Variants in NUBPL observed in about 807,000 individuals in gnomAD.
NUBPL encodes NUBP iron-sulfur cluster assembly factor, mitochondrial.
In NUBPL, 31 loss-of-function variants were observed where a neutral mutation model predicts 45.7. The observed-to-expected ratio is 0.68, with a 90% confidence interval of 0.51 to 0.92. NUBPL has a LOEUF of 0.92. Ranked by LOEUF, NUBPL falls within the 40% of genes least tolerant of loss-of-function variation. The probability of loss-of-function intolerance (pLI) is 0.00; values close to 1 mark genes in which losing one functional copy is unlikely to be tolerated. For missense variants in NUBPL, 401 were observed against 398.7 expected (o/e 1.01, Z -0.05); for synonymous variants, 144 against 140.9 (o/e 1.02, Z -0.15).
intron 3 of NUBPL, among the ~76,000 whole-genome samples, chr14:31,595,042 T>C (rs940366169): frequency 1.3e-5 from 2 of 152,210 alleles, no homozygotes; most frequent in African/African-American, 2.4e-5. Context: ...TACAATCTTA[T>C]TTAGTATAAA....
intron 8 of NUBPL, among the ~76,000 whole-genome samples, chr14:31,827,818 AT>A (rs1252992033): frequency 1.3e-5 from 2 of 152,234 alleles, no homozygotes; most frequent in South Asian, 4.1e-4. Context: ...AGATCCAGTA[AT>A]GTATTTGAAT....
At chr14:31,755,591 G>T (rs1173064746) in intron 6 of NUBPL, among the ~76,000 whole-genome samples, 4 of 152,020 alleles carry the variant, frequency 2.6e-5, no homozygotes, top group Non-Finnish European at 4.4e-5. Flanking sequence ...GTAGATTCTG[G>T]ATATTAGCCC....
At chr14:31,846,331 A>G in intron 8 of NUBPL, 140 bp from the exon 9 acceptor site, 2 of 715,454 alleles carry the variant, frequency 2.8e-6, no homozygotes, top group East Asian at 2.7e-5. Context: ...CCTTCAGAGC[A>G]GAGGCCATAG....
intron 4 of NUBPL, among the ~76,000 whole-genome samples, chr14:31,637,026 C>T (rs955905109): frequency 2.0e-5 from 3 of 151,934 alleles, no homozygotes; most frequent in Non-Finnish European, 2.9e-5. Flanking sequence ...TTTTGTTGAT[C>T]CTTTCAGAAA....
chr14:31,758,918 AC>A (rs1261273283), intron 6 of NUBPL, among the ~76,000 whole-genome samples: 1 of 152,296 alleles, frequency 6.6e-6, no homozygotes, highest in African/African-American at 2.4e-5. Context: ...GTTAAAGAAG[AC>A]AAGCTTTTCC....
chr14:31,670,421 T>C (rs191717972), intron 4 of NUBPL, among the ~76,000 whole-genome samples: 5 of 152,312 alleles, frequency 3.3e-5, no homozygotes, highest in East Asian at 1.9e-4. Flanking sequence ...ATTTTATAGG[T>C]TGTCTGTTTA....
At chr14:31,698,753 C>T (rs754336291) in intron 6 of NUBPL, among the ~76,000 whole-genome samples, 5 of 151,878 alleles carry the variant, frequency 3.3e-5, no homozygotes, top group Non-Finnish European at 7.4e-5. Context: ...TACTATTTGC[C>T]TTCATAGGCA....
intron 7 of NUBPL, among the ~76,000 whole-genome samples, chr14:31,801,979 G>C (rs1010836631): frequency 6.6e-6 from 1 of 152,186 alleles, no homozygotes; most frequent in Admixed American, 6.5e-5. Context: ...TAACAGTTTG[G>C]TGTGATACCA....
intron 4 of NUBPL, among the ~76,000 whole-genome samples, chr14:31,599,736 A>G (rs2034377091): frequency 6.6e-6 from 1 of 152,140 alleles, no homozygotes; most frequent in Non-Finnish European, 1.5e-5. Context: ...TGAATCAGTG[A>G]GTGAAAGCAG....
chr14:31,852,454 C>T (rs1427405308), intron 10 of NUBPL, among the ~76,000 whole-genome samples: 8 of 152,044 alleles, frequency 5.3e-5, no homozygotes, highest in Non-Finnish European at 1.0e-4. Flanking sequence ...GGGCAGATCA[C>T]GAGGTCAGGA....
intron 7 of NUBPL, among the ~76,000 whole-genome samples, chr14:31,799,619 G>A (rs1303253103): frequency 1.3e-5 from 2 of 152,196 alleles, no homozygotes; most frequent in African/African-American, 4.8e-5. Context: ...ACACTATACA[G>A]TAGTCTGTGA....
chr14:31,731,671 T>C (rs2038050623), intron 6 of NUBPL, among the ~76,000 whole-genome samples: 1 of 152,240 alleles, frequency 6.6e-6, no homozygotes, highest in Non-Finnish European at 1.5e-5. Context: ...CAGCTGAGGC[T>C]GAATTCCTGG....
In NUBPL at chr14:31,846,451, T is replaced by A. The variant is rs370659666; in HGVS notation, c.694-20T>A. ...TATTTGGTTTAATTTTATTTTGATTTCAGTGTGTTTTTATTCTAGGTCCTT... is the reference window on the plus strand; with the variant it reads ...TATTTGGTTTAATTTTATTTTGATTACAGTGTGTTTTTATTCTAGGTCCTT... On this transcript the variant is annotated intron_variant, in intron 8 of 10. Coordinates refer to ENST00000281081, the MANE Select transcript of NUBPL (RefSeq NM_025152.3). The A allele has an allele frequency of 6.3e-7, 1 of 1,597,740 alleles. No individual in the cohort carries two copies. The highest frequency in any genetic ancestry group is 8.6e-7 in the Non-Finnish European group (1 of 1,168,526).
At chr14:31,640,054 C>T (rs1406174190) in intron 4 of NUBPL, among the ~76,000 whole-genome samples, 1 of 152,178 alleles carries the variant, frequency 6.6e-6, no homozygotes, top group Non-Finnish European at 1.5e-5. Context: ...GGCAGTGCCT[C>T]GCCCTGCTTC....
rs2040495894 is a variant in NUBPL, at chr14:31,848,936, G to A, written c.815-1183G>A. Among the ~76,000 whole-genome samples the A allele has an allele frequency of 2.0e-5, 3 of 152,092 alleles. No individual in the cohort carries two copies. In the South Asian group the frequency reaches 6.2e-4, roughly 32 times the overall value. On this transcript the variant is annotated intron_variant, in intron 9 of 10. Transcript: ENST00000281081. The stretch of plus-strand genomic sequence containing the variant: ...GAGAGGAAAAAAATTTCATTTCTAA[G>A]CATTTTCTATAACATTTTTGCTGCT...
At chr14:31,621,009 T>C (rs1297547776) in intron 4 of NUBPL, among the ~76,000 whole-genome samples, 2 of 152,334 alleles carry the variant, frequency 1.3e-5, no homozygotes, top group African/African-American at 2.4e-5. Flanking sequence ...AGGGGCAGTA[T>C]GGCCGCACCA....
chr14:31,646,433 C>A (rs966872164), intron 4 of NUBPL, among the ~76,000 whole-genome samples: 3 of 152,130 alleles, frequency 2.0e-5, no homozygotes, highest in Non-Finnish European at 2.9e-5. Context: ...GTGATCCACT[C>A]AACCTTGGCC....
chr14:31,812,829 G>C (rs570756980), intron 7 of NUBPL, among the ~76,000 whole-genome samples: 1 of 152,220 alleles, frequency 6.6e-6, no homozygotes, highest in East Asian at 1.9e-4. Flanking sequence ...GAGAGAGAAG[G>C]AGAATGAAGA....
intron 6 of NUBPL, among the ~76,000 whole-genome samples, chr14:31,775,950 G>A (rs2039091276): frequency 6.6e-6 from 1 of 152,154 alleles, no homozygotes; most frequent in African/African-American, 2.4e-5. Flanking sequence ...GCCAGGTTAT[G>A]GTCAGGAAGG....
Sources: gnomAD v4.1 joint callset for allele counts (sites outside exome capture counted in the v4.1 genomes callset) on GRCh38, gnomAD v4.1.1 for gene constraint, MANE v1.5 for transcripts, NCBI Gene and HGNC (gene_info 2026-07-23, HGNC 2026-07-21) for gene names.